The following PUM2 variants were observed in gnomAD, a reference collection of about 807,000 sequenced individuals.
The protein encoded by PUM2 is pumilio RNA binding family member 2.
PUM2 carries 57 observed loss-of-function variants against 124.5 expected under a neutral mutation model. That is an observed-to-expected ratio of 0.46 (90% CI 0.37 to 0.57). The LOEUF is 0.57. Ranked by LOEUF, PUM2 falls within the 20% of genes least tolerant of loss-of-function variation. The pLI, the probability that PUM2 is intolerant of heterozygous loss-of-function variation, is 0.00. For missense variants in PUM2, 1,065 were observed against 1,290.6 expected (o/e 0.83, Z 2.68); for synonymous variants, 460 against 446.1 (o/e 1.03, Z -0.39).
Position 20,263,480 on chromosome 2 carries a change from G to T in PUM2, c.1958-20C>A, listed in dbSNP as rs748011892. The T allele has an allele frequency of 6.4e-7, 1 of 1,562,914 alleles. No individual in the cohort carries two copies. The highest frequency in any genetic ancestry group is 2.3e-5 in the East Asian group (1 of 44,016). On this transcript the variant is annotated intron_variant, in intron 13 of 20. Coordinates refer to ENST00000361078, the MANE Select transcript of PUM2 (RefSeq NM_015317.5). ...GTCCTCCTACAACAAAGCAGCTATG[G>T]TCAGCAAGTATTTTTGACAAAGTTA...
intron 1 of PUM2, among the ~76,000 whole-genome samples, chr2:20,345,089 CTTT>C (rs768667526): frequency 3.9e-5 from 5 of 129,404 alleles, no homozygotes; most frequent in African/African-American, 5.6e-5. Flanking sequence ...GCACTTTTTT[CTTT>C]TTTTTTTTTT....
chr2:20,320,578 T>TA lies in PUM2; in HGVS notation c.52-1934dup, dbSNP rs555291382. On this transcript the variant is annotated intron_variant, in intron 2 of 20. Coordinates refer to ENST00000361078, the MANE Select transcript of PUM2 (RefSeq NM_015317.5). ...AATTAAAATGTTTAAATGTTTTAATTAAAAAAAAAACTCCATTTTTTTAAA... is the reference window on the plus strand; with the variant it reads ...AATTAAAATGTTTAAATGTTTTAATTAAAAAAAAAAACTCCATTTTTTTAAA... 2.0e-3 allele frequency among the ~76,000 whole-genome samples: 297 copies of TA among 148,202 alleles called. 1 individual carries two copies. The highest frequency in any genetic ancestry group is 6.5e-3 in the East Asian group (33 of 5,106).
intron 10 of PUM2, among the ~76,000 whole-genome samples, chr2:20,287,562 G>GT (rs1201773112): frequency 3.9e-5 from 6 of 152,186 alleles, no homozygotes; most frequent in Admixed American, 2.6e-4. Context: ...GTATGTTTGG[G>GT]TAACAGTATA....
Position 20,283,000 on chromosome 2 carries a change from C to A in PUM2, c.1667G>T (p.Gly556Val), listed in dbSNP as rs776139376. Residue 556 changes from glycine to valine, a missense_variant, in exon 12 of 21, where the codon GGT becomes GTT. Gly to Val is a moderately radical substitution (Grantham distance 109). This residue lies in a region of PUM2 where 968 missense variants were observed against 1,159.8 expected (regional missense o/e 0.83). Coordinates refer to ENST00000361078, the MANE Select transcript of PUM2 (RefSeq NM_015317.5). ...PGSTSLGFGS[G>V]NSLGAAIGSA... ...GCCTATAGCAGCACCCAAAGAGTTA[C>A]CACTTCCAAAGCCAAGAGATGTACT... is the stretch of plus-strand genomic sequence containing the variant. 1 of 1,614,080 alleles carries A rather than the reference C, an allele frequency of 6.2e-7. No homozygotes were observed. The highest frequency in any genetic ancestry group is 2.2e-5 in the East Asian group (1 of 44,872).
chr2:20,270,105 A>T (rs1207631234), intron 13 of PUM2, among the ~76,000 whole-genome samples: 4 of 152,262 alleles, frequency 2.6e-5, no homozygotes, highest in South Asian at 2.1e-4. Flanking sequence ...AGAACATTTT[A>T]AAAAACCTAC....
Position 20,292,386 on chromosome 2 carries a change from G to A in PUM2, c.1153-1596C>T, listed in dbSNP as rs116183849. The stretch of plus-strand genomic sequence containing the variant: ...TTAAAATTAGATTTTTTTCTGAGAC[G>A]AAGTCTCGCTCTATCACACAGGCTG... On this transcript the variant is annotated intron_variant, in intron 9 of 20. Coordinates refer to ENST00000361078, the MANE Select transcript of PUM2 (RefSeq NM_015317.5). Among the ~76,000 whole-genome samples, 403 of 151,524 alleles carry A rather than the reference G, an allele frequency of 2.7e-3. 1 individual carries two copies. Among genetic ancestry groups the A allele is most frequent in the African/African-American group, 8.5e-3 (349 of 41,296 alleles).
chr2:20,251,404 C>T lies in PUM2; in HGVS notation c.*181G>A. 2 of 661,668 alleles carry T rather than the reference C, an allele frequency of 3.0e-6. No individual in the cohort carries two copies. The highest frequency in any genetic ancestry group is 2.4e-6 in the Non-Finnish European group (1 of 422,040). 41.0% of individuals were successfully genotyped at this position (661,668 alleles called of 1,614,324 possible). ...GGCTGAATATAATTTATAATTCATC[C>T]CCCACCCCCCAAATATACACAAGAA... On this transcript the variant is annotated 3_prime_UTR_variant, in exon 21 of 21. Transcript: ENST00000361078.
At chr2:20,255,186 A>C (rs1558472310) in intron 18 of PUM2, 30 bp downstream of exon 18, 1 of 1,561,646 alleles carries the variant, frequency 6.4e-7, no homozygotes, top group Non-Finnish European at 8.7e-7. Flanking sequence ...AAAAATATAT[A>C]AACATTTCAA....
At chr2:20,277,896 G>A (rs550239536) in intron 13 of PUM2, among the ~76,000 whole-genome samples, 55 of 152,158 alleles carry the variant, frequency 3.6e-4, no homozygotes, top group Non-Finnish European at 6.2e-4. Context: ...CCTTCAAAAC[G>A]TATTATCTAC....
chr2:20,283,158 G>A lies in PUM2; in HGVS notation c.1509C>T (p.Gly503=), dbSNP rs774290254. The A allele has an allele frequency of 4.7e-5, 76 of 1,613,962 alleles. No homozygotes were observed. The highest frequency in any genetic ancestry group is 5.4e-5 in the Non-Finnish European group (64 of 1,179,998). ...GTTGCTGCTGCTGTGGTGGCTGAGT[G>A]CCAATTGGCCGAAACAGACCATTTG... ...GSTNGLFRPI[G]TQPPQQQQQQ... is the part of the protein sequence containing the mutation. Residue 503 remains glycine (G), a synonymous_variant, in exon 12 of 21, where the codon GGC becomes GGT. Transcript: ENST00000361078.
intron 12 of PUM2, among the ~76,000 whole-genome samples, chr2:20,282,444 T>G (rs1012299635): frequency 6.6e-6 from 1 of 152,230 alleles, no homozygotes; most frequent in Non-Finnish European, 1.5e-5. Flanking sequence ...GTGTAGAACA[T>G]TTCAGTATTT....
At chr2:20,257,470 T>A (rs1375522877) in intron 16 of PUM2, among the ~76,000 whole-genome samples, 1 of 152,214 alleles carries the variant, frequency 6.6e-6, no homozygotes, top group East Asian at 1.9e-4. Flanking sequence ...AGTCTTATGC[T>A]TTCATTGTAA....
At chr2:20,332,282 A>AGTGTGTGTGTGT (rs55986830) in intron 1 of PUM2, among the ~76,000 whole-genome samples, 1,675 of 145,416 alleles carry the variant, frequency 0.012, 10 homozygotes, top group Middle Eastern at 0.018. Flanking sequence ...ATACTACTAG[A>AGTGTGTGTGTGT]GTGTGTGTGT....
chr2:20,276,323 ATAAC>A (rs1670262202), intron 13 of PUM2, among the ~76,000 whole-genome samples: 1 of 152,022 alleles, frequency 6.6e-6, no homozygotes, highest in South Asian at 2.1e-4. Context: ...TGAATCTCAA[ATAAC>A]TAACACTAAC....
intron 7 of PUM2, among the ~76,000 whole-genome samples, chr2:20,298,796 G>A (rs569126034): frequency 1.3e-5 from 2 of 152,236 alleles, no homozygotes; most frequent in East Asian, 1.9e-4. Flanking sequence ...CCGAGATAAC[G>A]CCACTGCACT....
intron 14 of PUM2, 121 bp from the exon 15 acceptor site, chr2:20,260,587 G>C (rs1283786414): frequency 9.4e-6 from 8 of 848,954 alleles, no homozygotes; most frequent in Non-Finnish European, 1.3e-5. Context: ...ACTTTATATA[G>C]TAGACAGCTA....
At chr2:20,318,728 A>T in intron 2 of PUM2, 83 bp from the exon 3 acceptor site, 1 of 936,096 alleles carries the variant, frequency 1.1e-6, no homozygotes, top group Non-Finnish European at 1.6e-6. Context: ...TATCACTGCT[A>T]TGTATACATT....
intron 1 of PUM2, among the ~76,000 whole-genome samples, chr2:20,329,357 AG>A (rs1684400421): frequency 6.6e-6 from 1 of 150,594 alleles, no homozygotes; most frequent in Non-Finnish European, 1.5e-5. Flanking sequence ...ACTTGAGCCC[AG>A]GAAGTGAAGG....
chr2:20,311,636 G>T lies in PUM2; in HGVS notation c.376C>A (p.Pro126Thr). The T allele has an allele frequency of 6.2e-7, 1 of 1,612,900 alleles. No individual in the cohort carries two copies. Among genetic ancestry groups the T allele is most frequent in the African/African-American group, 1.3e-5 (1 of 74,902 alleles). ...FGTRDAETDG[P>T]EKGDQKGKAS... ...TTGCCTTTTTGATCTCCTTTCTCAGGTCCATCTGTTTCAGCATCTCTAGTG... is the reference window on the plus strand; with the variant it reads ...TTGCCTTTTTGATCTCCTTTCTCAGTTCCATCTGTTTCAGCATCTCTAGTG... Residue 126 changes from proline to threonine, a missense_variant, in exon 5 of 21, where the codon CCT (proline) becomes ACT (threonine). Pro to Thr is a conservative substitution (Grantham distance 38, BLOSUM62 -1). Around this residue, in one of 3 missense-constraint regions of PUM2, gnomAD observed 968 missense variants for 1,159.8 expected, o/e 0.83. Coordinates refer to ENST00000361078, the MANE Select transcript of PUM2 (RefSeq NM_015317.5).
Sources: allele counts gnomAD v4.1 joint callset (sites outside exome capture counted in the v4.1 genomes callset), GRCh38; gene constraint gnomAD v4.1.1; regional missense constraint gnomAD v4.1.1; transcripts MANE v1.5; gene names NCBI Gene and HGNC (gene_info 2026-07-23, HGNC 2026-07-21).